ETV6: variants seen among roughly 807,000 people sequenced by gnomAD.
The protein encoded by ETV6 is ETS variant transcription factor 6.
Under a neutral mutation model 51.1 loss-of-function variants are expected in ETV6, and 16 were observed. The ratio of observed to expected loss-of-function variants is 0.31; its 90% CI spans 0.21 to 0.48. ETV6 has a LOEUF of 0.48. Ranked by LOEUF, ETV6 falls within the 20% of genes least tolerant of loss-of-function variation. The probability of loss-of-function intolerance (pLI) is 0.99; values close to 1 mark genes in which losing one functional copy is unlikely to be tolerated. For missense variants in ETV6, 458 were observed against 594.8 expected (o/e 0.77, Z 2.39); for synonymous variants, 240 against 224.1 (o/e 1.07, Z -0.64).
intron 4 of ETV6, among the ~76,000 whole-genome samples, chr12:11,867,900 C>T (rs990794786): frequency 1.4e-4 from 22 of 152,154 alleles, no homozygotes; most frequent in African/African-American, 5.3e-4. Flanking sequence ...GATTTCTGTC[C>T]TTCTGCACCT....
At position 11,891,088 on chromosome 12, in the gene ETV6, A is replaced by AC. The variant is rs759124137; in HGVS notation, c.*46dup. The AC allele has an allele frequency of 6.8e-7, 1 of 1,478,658 alleles. No homozygotes were observed. The highest frequency in any genetic ancestry group is 1.1e-5 in the South Asian group (1 of 88,190). 91.6% of individuals were successfully genotyped at this position (1,478,658 alleles called of 1,614,324 possible). On this transcript the variant is annotated 3_prime_UTR_variant, in exon 8 of 8. Transcript: ENST00000396373. ...CCTCAGCGGGCCAGCAGCCCAGGGA[A>AC]CCCCTGCCCACCAGGATTGCTGGAA...
intron 2 of ETV6, among the ~76,000 whole-genome samples, chr12:11,763,370 G>C (rs550347342): frequency 1.3e-5 from 2 of 152,116 alleles, no homozygotes; most frequent in Non-Finnish European, 2.9e-5. Flanking sequence ...TTTTATTAAA[G>C]GTCTTTTAGG....
intron 1 of ETV6, among the ~76,000 whole-genome samples, chr12:11,691,438 CTA>C (rs1364016153): frequency 6.6e-6 from 1 of 152,146 alleles, no homozygotes; most frequent in African/African-American, 2.4e-5. Context: ...CTGTATACAT[CTA>C]TGTTTCCTTT....
Position 11,869,794 on chromosome 12 carries a change from C to G in ETV6, c.834C>G (p.Ile278Met). The G allele has an allele frequency of 6.2e-7, 1 of 1,613,322 alleles. No individual in the cohort carries two copies. Among genetic ancestry groups the G allele is most frequent in the South Asian group, 1.1e-5 (1 of 91,082 alleles). Residue 278 changes from isoleucine to methionine, a missense_variant, in exon 5 of 8, where the codon ATC becomes ATG. Physicochemically the swap from Ile to Met is conservative, Grantham distance 10 (BLOSUM62 1). Around this residue, in one of 4 missense-constraint regions of ETV6, gnomAD observed 293 missense variants for 315.7 expected, o/e 0.93. Coordinates refer to ENST00000396373, the MANE Select transcript of ETV6 (RefSeq NM_001987.5). The surrounding 1 kb of genome is among the most constrained non-coding windows in gnomAD (Gnocchi z 5.0). ...LMPSPIMHPL[I>M]LNPRHSVDFK... Reference sequence around the variant, plus strand: ...CCAGCCCCATCATGCACCCTCTGATCCTGAACCCCCGGCACTCCGTGGATT... The same window carrying G: ...CCAGCCCCATCATGCACCCTCTGATGCTGAACCCCCGGCACTCCGTGGATT...
intron 1 of ETV6, among the ~76,000 whole-genome samples, chr12:11,736,466 T>C (rs1865704616): frequency 6.6e-6 from 1 of 152,238 alleles, no homozygotes; most frequent in African/African-American, 2.4e-5. Flanking sequence ...ATATTGTTTT[T>C]GATCAGGTAC....
At chr12:11,744,540 C>T (rs149828493) in intron 1 of ETV6, among the ~76,000 whole-genome samples, 1 of 152,354 alleles carries the variant, frequency 6.6e-6, no homozygotes, top group African/African-American at 2.4e-5. Context: ...AATAAAGTCA[C>T]ACCACCTTTC....
chr12:11,749,641 T>C (rs1397416594), intron 1 of ETV6, among the ~76,000 whole-genome samples: 1 of 152,136 alleles, frequency 6.6e-6, no homozygotes, highest in African/African-American at 2.4e-5. Flanking sequence ...GTTATTGCAA[T>C]AGAGTGAAAA....
chr12:11,833,097 T>C (rs1375367452), intron 2 of ETV6, among the ~76,000 whole-genome samples: 1 of 152,222 alleles, frequency 6.6e-6, no homozygotes, highest in African/African-American at 2.4e-5. Flanking sequence ...TTCTTACAGT[T>C]GGGTTCCAAG....
At chr12:11,692,910 C>G (rs892101133) in intron 1 of ETV6, among the ~76,000 whole-genome samples, 2 of 152,074 alleles carry the variant, frequency 1.3e-5, no homozygotes, top group African/African-American at 2.4e-5. Context: ...CATGGTGGCA[C>G]ATGCCTGTGG....
intron 2 of ETV6, among the ~76,000 whole-genome samples, chr12:11,774,948 A>G (rs1447245836): frequency 1.3e-5 from 2 of 152,144 alleles, no homozygotes; most frequent in African/African-American, 2.4e-5. Flanking sequence ...TCCTCTTGCT[A>G]TGTGTGGATC....
intron 1 of ETV6, among the ~76,000 whole-genome samples, chr12:11,733,105 CATATTA>C (rs1865632732): frequency 6.6e-6 from 1 of 152,158 alleles, no homozygotes; most frequent in Non-Finnish European, 1.5e-5. Context: ...AGGTACTCAG[CATATTA>C]ATATTAACCA....
chr12:11,849,122 T>G (rs1179234743), intron 3 of ETV6, among the ~76,000 whole-genome samples: 1 of 152,106 alleles, frequency 6.6e-6, no homozygotes, highest in Non-Finnish European at 1.5e-5. Context: ...TTTGTTTGTT[T>G]GTTTGTTTGA....
chr12:11,829,141 T>A (rs924650460), intron 2 of ETV6, among the ~76,000 whole-genome samples: 1 of 152,146 alleles, frequency 6.6e-6, no homozygotes, highest in African/African-American at 2.4e-5. Context: ...GCCAGAGCCG[T>A]CATGCACCTT....
At chr12:11,754,396 C>G (rs1356307353) in intron 2 of ETV6, among the ~76,000 whole-genome samples, 1 of 152,164 alleles carries the variant, frequency 6.6e-6, no homozygotes, top group Non-Finnish European at 1.5e-5. Flanking sequence ...CAACATCCCC[C>G]AAGGAGGCCC....
intron 2 of ETV6, among the ~76,000 whole-genome samples, chr12:11,818,802 C>A (rs945009265): frequency 6.6e-6 from 1 of 152,100 alleles, no homozygotes; most frequent in Non-Finnish European, 1.5e-5. Flanking sequence ...ACCCCTGCAG[C>A]CCTTTTCTAA....
intron 1 of ETV6, among the ~76,000 whole-genome samples, chr12:11,690,907 T>TAAATAAATAAATAAATAAAA (rs1241442940): frequency 1.4e-5 from 2 of 144,064 alleles, no homozygotes; most frequent in Admixed American, 1.3e-4. Context: ...AATAAATAAA[T>TAAATAAATAAATAAATAAAA]AAAATTATAT....
At position 11,695,825 on chromosome 12, in the gene ETV6, G is replaced by T. The variant is rs149059326; in HGVS notation, c.33+45665G>T. Among the ~76,000 whole-genome samples, 372 of 152,304 alleles carry T rather than the reference G, an allele frequency of 2.4e-3. 1 individual carries two copies. Among genetic ancestry groups the T allele is most frequent in the African/African-American group, 8.4e-3 (350 of 41,554 alleles). ...TCTGACCAGGCGGTGGGCTCAGGGA[G>T]CTTTGGAGTCTCATGCGGTCAGCAG... On this transcript the variant is annotated intron_variant, in intron 1 of 7. Coordinates refer to ENST00000396373, the MANE Select transcript of ETV6 (RefSeq NM_001987.5).
chr12:11,666,834 G>GCCTGCCAGC (rs1408673323), intron 1 of ETV6, among the ~76,000 whole-genome samples: 15 of 152,218 alleles, frequency 9.9e-5, no homozygotes, highest in African/African-American at 3.6e-4. Flanking sequence ...CGCGGCAGCT[G>GCCTGCCAGC]CCTGCCAGCC....
intron 1 of ETV6, among the ~76,000 whole-genome samples, chr12:11,710,614 T>C (rs1337731852): frequency 7.2e-6 from 1 of 139,496 alleles, no homozygotes; most frequent in African/African-American, 2.4e-5. Context: ...TCTACAAATA[T>C]ACACTACTGT....
Sources: gnomAD v4.1 joint callset for allele counts (sites outside exome capture counted in the v4.1 genomes callset) on GRCh38, gnomAD v4.1.1 for gene constraint, gnomAD v4.1.1 regional missense constraint, Gnocchi (gnomAD v3.1) non-coding constraint, MANE v1.5 for transcripts, NCBI Gene and HGNC (gene_info 2026-07-23, HGNC 2026-07-21) for gene names.